Variants in HYCC1 observed in about 807,000 individuals in gnomAD.
HYCC1 encodes hyccin PI4KA lipid kinase complex subunit 1.
At chr7:22,922,200 C>T in the HYCC1 span, among the ~76,000 whole-genome samples, 26 of 151,126 alleles carry the variant, frequency 1.7e-4, no homozygotes, top group African/African-American at 6.3e-4. Flanking sequence ...ATATTTATTA[C>T]TAATAAACAT....
the HYCC1 span, among the ~76,000 whole-genome samples, chr7:22,961,741 T>C: frequency 6.6e-6 from 1 of 152,194 alleles, no homozygotes; most frequent in Non-Finnish European, 1.5e-5. Flanking sequence ...TGCAGTATCC[T>C]GAGTAGTTAT....
At chr7:22,979,096 C>T in the HYCC1 span, among the ~76,000 whole-genome samples, 488 of 152,180 alleles carry the variant, frequency 3.2e-3, 2 homozygotes, top group African/African-American at 0.011. Flanking sequence ...AATTATCAGG[C>T]TATTTATTAT....
chr7:22,921,826 A>G, the HYCC1 span, among the ~76,000 whole-genome samples: 1 of 152,166 alleles, frequency 6.6e-6, no homozygotes, highest in Non-Finnish European at 1.5e-5. Flanking sequence ...CTTCAAGCCA[A>G]GTTTGGTTGA....
the HYCC1 span, among the ~76,000 whole-genome samples, chr7:22,906,506 A>G: frequency 6.6e-6 from 1 of 151,462 alleles, no homozygotes; most frequent in African/African-American, 2.4e-5. Flanking sequence ...TGAACCTAGG[A>G]GGCTGAGGTT....
the HYCC1 span, among the ~76,000 whole-genome samples, chr7:23,007,859 C>T: frequency 6.6e-6 from 1 of 152,030 alleles, no homozygotes; most frequent in Non-Finnish European, 1.5e-5. Flanking sequence ...TCTCAAGGTA[C>T]ATTAAGAGGG....
chr7:22,962,879 G>A, the HYCC1 span, among the ~76,000 whole-genome samples: 4 of 151,890 alleles, frequency 2.6e-5, no homozygotes, highest in African/African-American at 9.7e-5. Context: ...ATCTGCAGTG[G>A]AGGCATACAG....
the HYCC1 span, chr7:22,960,351 C>T: frequency 1.7e-5 from 27 of 1,613,048 alleles, no homozygotes; most frequent in Admixed American, 6.7e-5. Context: ...TTGAATACAC[C>T]TTGTACCTTC....
the HYCC1 span, among the ~76,000 whole-genome samples, chr7:22,968,985 C>T: frequency 6.0e-5 from 9 of 149,346 alleles, no homozygotes; most frequent in East Asian, 1.8e-3. Flanking sequence ...GACTCCATCT[C>T]AAAAAAAACA....
chr7:23,007,699 T>C, the HYCC1 span, among the ~76,000 whole-genome samples: 1 of 152,138 alleles, frequency 6.6e-6, no homozygotes, highest in Non-Finnish European at 1.5e-5. Context: ...ATCAATCTCA[T>C]ATAGCAAATC....
the HYCC1 span, chr7:22,984,089 C>T: frequency 8.7e-7 from 1 of 1,144,122 alleles, no homozygotes; most frequent in South Asian, 1.3e-5. Context: ...ATGAAATGTC[C>T]AGAATAGGCA....
the HYCC1 span, among the ~76,000 whole-genome samples, chr7:22,987,814 T>C: frequency 6.6e-6 from 1 of 152,206 alleles, no homozygotes; most frequent in South Asian, 2.1e-4. Context: ...AGAATTAGAA[T>C]TAAGTCAAAG....
chr7:22,996,022 C>A, the HYCC1 span, among the ~76,000 whole-genome samples: 1 of 151,954 alleles, frequency 6.6e-6, no homozygotes, highest in Admixed American at 6.6e-5. Context: ...TGGCTGGGTG[C>A]GGTGGCTCAC....
the HYCC1 span, chr7:22,991,007 G>T: frequency 1.6e-6 from 2 of 1,212,164 alleles, no homozygotes; most frequent in Non-Finnish European, 1.2e-6. Context: ...GAATTTAAAC[G>T]CCAGACAAAA....
chr7:22,935,710 A>G, the HYCC1 span: 37,620 of 151,950 alleles, frequency 0.25, 4,798 homozygotes, highest in East Asian at 0.45. Flanking sequence ...CAGTGGTGCT[A>G]TCTCGGCTCA....
At chr7:22,932,027 C>G in the HYCC1 span, among the ~76,000 whole-genome samples, 1 of 152,066 alleles carries the variant, frequency 6.6e-6, no homozygotes, top group African/African-American at 2.4e-5. Context: ...ATCTAGATAG[C>G]AAAAGATGAG....
the HYCC1 span, among the ~76,000 whole-genome samples, chr7:22,932,070 G>A: frequency 6.6e-6 from 1 of 152,104 alleles, no homozygotes; most frequent in African/African-American, 2.4e-5. Flanking sequence ...CCAAAGGCGT[G>A]GTGGACAAAA....
the HYCC1 span, among the ~76,000 whole-genome samples, chr7:22,924,848 A>G: frequency 6.6e-6 from 1 of 152,248 alleles, no homozygotes; most frequent in African/African-American, 2.4e-5. Context: ...TTCTCCCAGC[A>G]TGCAGTTTGA....
the HYCC1 span, chr7:22,945,590 T>C: frequency 1.9e-6 from 3 of 1,599,462 alleles, no homozygotes; most frequent in African/African-American, 4.0e-5. Flanking sequence ...TGTTACTAAT[T>C]AATCTGTGGA....
chr7:22,950,745 A>G, the HYCC1 span, among the ~76,000 whole-genome samples: 1 of 151,994 alleles, frequency 6.6e-6, no homozygotes, highest in African/African-American at 2.4e-5. Flanking sequence ...GATGGCATAT[A>G]TAGCTAAAGA....
Sources: gnomAD v4.1 joint callset for allele counts (sites outside exome capture counted in the v4.1 genomes callset) on GRCh38, gnomAD v4.1.1 for gene constraint, MANE v1.5 for transcripts, NCBI Gene and HGNC (gene_info 2026-07-23, HGNC 2026-07-21) for gene names.